GSE1: variants seen among roughly 807,000 people sequenced by gnomAD.
GSE1 encodes Gse1 coiled-coil protein, also known as genetic suppressor element 1.
In GSE1, 32 loss-of-function variants were observed where a neutral mutation model predicts 112.6. That is an observed-to-expected ratio of 0.28 (90% CI 0.21 to 0.38). The LOEUF is 0.38. GSE1 is among the 10% of genes least tolerant of loss of function. The probability of loss-of-function intolerance (pLI) is 1.00; values close to 1 mark genes in which losing one functional copy is unlikely to be tolerated. For synonymous variants in GSE1, 1,115 were observed against 735.6 expected, an observed-to-expected ratio of 1.52 and a Z score of -8.35; for missense variants, 2,348 against 1,699.2, an observed-to-expected ratio of 1.38 and a Z score of -6.71.
intron 1 of GSE1, among the ~76,000 whole-genome samples, chr16:85,262,860 G>C (rs1010008196): frequency 1.3e-5 from 2 of 152,216 alleles, no homozygotes; most frequent in African/African-American, 4.8e-5. Context: ...CGAGCCTCTG[G>C]GTTCCTCCAT....
intron 2 of GSE1, among the ~76,000 whole-genome samples, chr16:85,504,309 C>A (rs993845802): frequency 2.6e-5 from 4 of 152,170 alleles, no homozygotes; most frequent in South Asian, 2.1e-4. Context: ...GGTTTGGACT[C>A]GTGCTGCGGG....
chr16:85,254,609 C>G (rs768982637), intron 1 of GSE1, among the ~76,000 whole-genome samples: 2 of 152,184 alleles, frequency 1.3e-5, no homozygotes, highest in African/African-American at 2.4e-5. Context: ...GGAAATCTCA[C>G]TCCCTGTCCA....
chr16:85,472,207 A>C (rs761428467), intron 2 of GSE1, among the ~76,000 whole-genome samples: 1 of 152,184 alleles, frequency 6.6e-6, no homozygotes, highest in Non-Finnish European at 1.5e-5. Flanking sequence ...TGCCATGATA[A>C]ATGACCATAA....
In GSE1 at chr16:85,485,570, C is replaced by CGCG. The variant is rs1174353994; in HGVS notation, c.2464+127928_2464+127930dup. Among the ~76,000 whole-genome samples, 4 of 152,358 alleles carry CGCG rather than the reference C, an allele frequency of 2.6e-5. No individual in the cohort carries two copies. In the East Asian group the frequency reaches 7.7e-4, roughly 29 times the overall value. On this transcript the variant is annotated intron_variant, in intron 2 of 2. Coordinates refer to the GSE1 transcript ENST00000637419. ...CCGCAGGCCCGGCTGCCGCCGCCGCCGCGTTAAGGACAGATGGATTACAGC... is the reference window on the plus strand; with the variant it reads ...CCGCAGGCCCGGCTGCCGCCGCCGCCGCGGCGTTAAGGACAGATGGATTACAGC...
At chr16:85,659,838 C>T (rs146503653) in intron 8 of GSE1, among the ~76,000 whole-genome samples, 2 of 152,366 alleles carry the variant, frequency 1.3e-5, no homozygotes, top group African/African-American at 4.8e-5. Flanking sequence ...CTCCCTGCCT[C>T]AGCAGGCCTT....
intron 2 of GSE1, among the ~76,000 whole-genome samples, chr16:85,492,191 C>A (rs1157071748): frequency 6.6e-6 from 1 of 152,182 alleles, no homozygotes; most frequent in Non-Finnish European, 1.5e-5. Context: ...GACACAGGGA[C>A]CTTGATGGTG....
At chr16:85,235,306 G>T (rs1055414623) in intron 1 of GSE1, among the ~76,000 whole-genome samples, 1 of 151,660 alleles carries the variant, frequency 6.6e-6, no homozygotes, top group Non-Finnish European at 1.5e-5. Context: ...ACTGCTGGGG[G>T]GTGACGGCTC....
At chr16:85,629,601 C>T (rs1158009601) in intron 1 of GSE1, among the ~76,000 whole-genome samples, 1 of 152,236 alleles carries the variant, frequency 6.6e-6, no homozygotes, top group Non-Finnish European at 1.5e-5. Context: ...ACCTGGGCTC[C>T]AAGCCTGCCT....
chr16:85,260,134 C>G (rs915230990), intron 1 of GSE1, among the ~76,000 whole-genome samples: 6 of 152,146 alleles, frequency 3.9e-5, no homozygotes, highest in African/African-American at 1.4e-4. Context: ...CGCAGCAGTG[C>G]TGGTCATCTT....
intron 1 of GSE1, among the ~76,000 whole-genome samples, chr16:85,183,039 A>G (rs1156528691): frequency 6.6e-6 from 1 of 151,626 alleles, no homozygotes; most frequent in African/African-American, 2.4e-5. Flanking sequence ...TACATGCATC[A>G]CTCCCGTGCA....
intron 1 of GSE1, among the ~76,000 whole-genome samples, chr16:85,178,920 C>T (rs973425675): frequency 2.6e-5 from 4 of 151,676 alleles, no homozygotes; most frequent in African/African-American, 7.3e-5. Context: ...ATTGTAGCAG[C>T]GGGCGGGGAC....
intron 2 of GSE1, among the ~76,000 whole-genome samples, chr16:85,514,266 T>TCTTCTGTCCC (rs1482738825): frequency 6.8e-6 from 1 of 147,420 alleles, no homozygotes; most frequent in African/African-American, 2.6e-5. Flanking sequence ...GCTCTTCCTC[T>TCTTCTGTCCC]CCCTCCAGTT....
intron 2 of GSE1, among the ~76,000 whole-genome samples, chr16:85,484,666 A>G (rs2050778480): frequency 6.6e-6 from 1 of 152,122 alleles, no homozygotes; most frequent in Non-Finnish European, 1.5e-5. Flanking sequence ...ACAGCTGGGG[A>G]AGTAGGCGCA....
At chr16:85,425,696 G>A (rs1567476695) in intron 2 of GSE1, among the ~76,000 whole-genome samples, 4 of 150,486 alleles carry the variant, frequency 2.7e-5, no homozygotes, top group South Asian at 2.1e-4. Context: ...CTTACCCATC[G>A]CACTGAGCAG....
At chr16:85,661,046 C>G in intron 8 of GSE1, 100 bp from the exon 9 acceptor site, 1 of 1,150,250 alleles carries the variant, frequency 8.7e-7, no homozygotes, top group South Asian at 1.5e-5. Context: ...TAAGGGGCTG[C>G]GCCATCTGTG....
At chr16:85,671,990 TGAG>T (rs1248007467) in intron 15 of GSE1, 2 of 205,850 alleles carry the variant, frequency 9.7e-6, no homozygotes, top group Admixed American at 1.1e-4. Flanking sequence ...GAACACAGGC[TGAG>T]AAGTGGACTT....
At chr16:85,479,831 G>T (rs921521473) in intron 2 of GSE1, among the ~76,000 whole-genome samples, 4 of 152,190 alleles carry the variant, frequency 2.6e-5, no homozygotes, top group Non-Finnish European at 5.9e-5. Context: ...CTGCAGTGGG[G>T]CTGTCATAAT....
At chr16:85,614,410 C>T (rs1486694470) in intron 1 of GSE1, among the ~76,000 whole-genome samples, 4 of 152,160 alleles carry the variant, frequency 2.6e-5, no homozygotes, top group African/African-American at 9.7e-5. Context: ...GCCCGCCCAC[C>T]CCCAGCTTTC....
chr16:85,608,157 A>G (rs1429096849), upstream of GSE1, among the ~76,000 whole-genome samples: 1 of 152,162 alleles, frequency 6.6e-6, no homozygotes, highest in Non-Finnish European at 1.5e-5. Flanking sequence ...TGGGCCAGTG[A>G]TAGCAGGGCA....
Sources: gnomAD v4.1 joint callset for allele counts (sites outside exome capture counted in the v4.1 genomes callset) on GRCh38, gnomAD v4.1.1 for gene constraint, MANE v1.5 for transcripts, NCBI Gene and HGNC (gene_info 2026-07-23, HGNC 2026-07-21) for gene names.